SLCO3A1: variants seen among roughly 807,000 people sequenced by gnomAD.
The protein encoded by SLCO3A1 is PGE1 transporter.
In SLCO3A1, 27 loss-of-function variants were observed where a neutral mutation model predicts 63.1. The ratio of observed to expected loss-of-function variants is 0.43; its 90% CI spans 0.32 to 0.59. The LOEUF (loss-of-function observed/expected upper bound fraction) is 0.59, where lower values mean the gene tolerates loss of function less well. Among genes scored for constraint, SLCO3A1 ranks in the 20% least tolerant of loss-of-function variants. SLCO3A1 has a pLI of 0.09. For missense variants in SLCO3A1, 773 were observed against 945.8 expected (o/e 0.82, Z 2.40); for synonymous variants, 473 against 409.9 (o/e 1.15, Z -1.86).
At chr15:92,113,278 A>C (rs2047751727) in intron 4 of SLCO3A1, among the ~76,000 whole-genome samples, 1 of 152,024 alleles carries the variant, frequency 6.6e-6, no homozygotes. Flanking sequence ...CTCTGCAGAC[A>C]CTTGCTTCGT....
chr15:92,125,451 T>C (rs936394919), intron 5 of SLCO3A1, among the ~76,000 whole-genome samples: 1 of 152,116 alleles, frequency 6.6e-6, no homozygotes, highest in African/African-American at 2.4e-5. Flanking sequence ...GGAAAAAATA[T>C]ATATGCCATT....
chr15:91,986,590 T>TA (rs1039807437), intron 2 of SLCO3A1, among the ~76,000 whole-genome samples: 445 of 145,260 alleles, frequency 3.1e-3, no homozygotes, highest in Admixed American at 3.5e-3. Flanking sequence ...TACATTCTTT[T>TA]AAAAAAAAAA....
At chr15:91,891,169 G>C (rs1310484145) in intron 1 of SLCO3A1, among the ~76,000 whole-genome samples, 1 of 150,254 alleles carries the variant, frequency 6.7e-6, no homozygotes, top group Non-Finnish European at 1.5e-5. Context: ...TGATAGAACA[G>C]AACCATTTTT....
chr15:91,865,284 T>G lies in SLCO3A1; in HGVS notation c.180+11196T>G, dbSNP rs1428549937. 2.0e-5 allele frequency among the ~76,000 whole-genome samples: 3 copies of G among 152,256 alleles called. No individual in the cohort carries two copies. The highest frequency in any genetic ancestry group is 4.4e-5 in the Non-Finnish European group (3 of 68,038). On this transcript the variant is annotated intron_variant, in intron 1 of 9. Transcript: ENST00000318445. The surrounding 1 kb of genome is among the most constrained non-coding windows in gnomAD (Gnocchi z 4.6). ...ACAGTAGGATTATTCCCTAACATTT[T>G]CAATATCTCAGATGCTAGACCAAAA...
At chr15:91,985,608 A>G (rs1400458583) in intron 2 of SLCO3A1, among the ~76,000 whole-genome samples, 1 of 152,198 alleles carries the variant, frequency 6.6e-6, no homozygotes, top group Non-Finnish European at 1.5e-5. Flanking sequence ...ACTTGGTATT[A>G]GTGTCGTCTT....
rs1596128466 is a variant in SLCO3A1, at chr15:92,130,933, C to CA, written c.1512+2445dup. 6.1e-5 allele frequency among the ~76,000 whole-genome samples: 9 copies of CA among 146,666 alleles called. No individual in the cohort carries two copies. The South Asian group carries it at 1.8e-3, about 30-fold the overall frequency. On this transcript the variant is annotated intron_variant, in intron 7 of 9. Coordinates refer to ENST00000318445, the MANE Select transcript of SLCO3A1 (RefSeq NM_013272.4). Reference sequence around the variant, plus strand: ...AACTCTTTGACAAGCTAAAACCTTTCACCTCCTCCTTTTCACAGTGATCCC... The same window carrying CA: ...AACTCTTTGACAAGCTAAAACCTTTCAACCTCCTCCTTTTCACAGTGATCCC...
At chr15:92,126,397 C>G (rs1248608517) in intron 6 of SLCO3A1, 138 bp downstream of exon 6, 6 of 674,346 alleles carry the variant, frequency 8.9e-6, no homozygotes, top group Non-Finnish European at 1.6e-5. Flanking sequence ...ATCTTACTGT[C>G]CACGTTGGAG....
chr15:91,868,143 C>T (rs1897211480), intron 1 of SLCO3A1, among the ~76,000 whole-genome samples: 1 of 151,700 alleles, frequency 6.6e-6, no homozygotes, highest in Non-Finnish European at 1.5e-5. Flanking sequence ...CCTCTGCCTC[C>T]TGGGTTCAAG....
chr15:91,941,073 C>A lies in SLCO3A1; in HGVS notation c.646+24615C>A, dbSNP rs1037903454. On this transcript the variant is annotated intron_variant, in intron 2 of 9. Transcript: ENST00000318445. This position sits in a 1 kb window ranked among gnomAD's most constrained non-coding sequence, Gnocchi z 4.4. ...ACCCTTTAAAATTTATGACCATTTT[C>A]TCTGACATTAACGTGCAAGCCTCTG... 5.3e-5 allele frequency among the ~76,000 whole-genome samples: 8 copies of A among 152,116 alleles called. No individual in the cohort carries two copies. The highest frequency in any genetic ancestry group is 1.5e-5 in the Non-Finnish European group (1 of 68,036).
In SLCO3A1 at chr15:91,900,832, T is replaced by A. The variant is rs1898135105; in HGVS notation, c.181-15161T>A. On this transcript the variant is annotated intron_variant, in intron 1 of 9. Coordinates refer to ENST00000318445, the MANE Select transcript of SLCO3A1 (RefSeq NM_013272.4). The surrounding 1 kb of genome is among the most constrained non-coding windows in gnomAD (Gnocchi z 4.3). ...GTTGTTTGTCATTTTACTGTTGATT[T>A]GTAAGGTTGGTAGGTAGTTTTGTTC... Among the ~76,000 whole-genome samples, 1 of 152,368 alleles carries A rather than the reference T, an allele frequency of 6.6e-6. No homozygotes were observed. The highest frequency in any genetic ancestry group is 1.5e-5 in the Non-Finnish European group (1 of 68,038).
chr15:92,165,947 C>A, downstream of SLCO3A1: 1 of 961,532 alleles, frequency 1.0e-6, no homozygotes, highest in Non-Finnish European at 1.2e-6. Flanking sequence ...TACACCATCT[C>A]AGCTGAACAT....
At chr15:92,115,834 A>AAAAG (rs1273735060) in intron 4 of SLCO3A1, among the ~76,000 whole-genome samples, 57 of 151,130 alleles carry the variant, frequency 3.8e-4, no homozygotes, top group Admixed American at 1.3e-3. Context: ...AAAAAAAAAA[A>AAAAG]AAAATGGACT....
chr15:91,928,458 C>CA (rs1899110374), intron 2 of SLCO3A1, among the ~76,000 whole-genome samples: 1 of 152,144 alleles, frequency 6.6e-6, no homozygotes. Context: ...GTCTGGTCTC[C>CA]GTTATCCCAA....
At chr15:91,945,567 C>T (rs77298459) in intron 2 of SLCO3A1, among the ~76,000 whole-genome samples, 8,423 of 152,164 alleles carry the variant, frequency 0.055, 346 homozygotes, top group Non-Finnish European at 0.084. Context: ...GGTCCTGTGG[C>T]GGAAAGGGAG....
chr15:92,106,251 A>G (rs553744467), intron 4 of SLCO3A1, among the ~76,000 whole-genome samples: 10 of 152,222 alleles, frequency 6.6e-5, no homozygotes, highest in South Asian at 4.1e-4. Context: ...AATCATCCAT[A>G]AAACTTAAGT....
In SLCO3A1 at chr15:91,854,098, C is replaced by G. The variant is rs1266043708; in HGVS notation, c.180+10C>G. 2 of 1,491,194 alleles carry G rather than the reference C, an allele frequency of 1.3e-6. No homozygotes were observed. Among genetic ancestry groups the G allele is most frequent in the African/African-American group, 1.5e-5 (1 of 68,826 alleles). 92.4% of individuals were successfully genotyped at this position (1,491,194 alleles called of 1,614,324 possible). ...GGTGGGCGCCTACCTGGTGAGTCCC[C>G]GAGCCAACTCCGCCGCGGGCCCCTT... is the stretch of plus-strand genomic sequence containing the variant. On this transcript the variant is annotated intron_variant, in intron 1 of 9. Transcript: ENST00000318445. This position sits in a 1 kb window ranked among gnomAD's most constrained non-coding sequence, Gnocchi z 6.4.
At chr15:92,152,350 CTG>C (rs1346476970) in intron 9 of SLCO3A1, among the ~76,000 whole-genome samples, 1 of 152,242 alleles carries the variant, frequency 6.6e-6, no homozygotes, top group Non-Finnish European at 1.5e-5. Context: ...ATCATTCCCT[CTG>C]TGCCTGGTAG....
chr15:92,017,292 G>GT (rs1411694259), intron 2 of SLCO3A1, among the ~76,000 whole-genome samples: 1 of 151,986 alleles, frequency 6.6e-6, no homozygotes, highest in Non-Finnish European at 1.5e-5. Context: ...GATTGGGGGG[G>GT]GGTAGGGAAA....
chr15:91,922,196 G>A (rs75194215), intron 2 of SLCO3A1, among the ~76,000 whole-genome samples: 12 of 151,434 alleles, frequency 7.9e-5, no homozygotes, highest in Admixed American at 2.6e-4. Context: ...GCGCGTGCAC[G>A]CACACACACA....
Sources: allele counts gnomAD v4.1 joint callset (sites outside exome capture counted in the v4.1 genomes callset), GRCh38; gene constraint gnomAD v4.1.1; non-coding constraint Gnocchi (gnomAD v3.1); transcripts MANE v1.5; gene names NCBI Gene and HGNC (gene_info 2026-07-23, HGNC 2026-07-21).